The following KCNQ3 variants were observed in gnomAD, a reference collection of about 807,000 sequenced individuals.
KCNQ3 encodes the protein potassium voltage-gated channel subfamily KQT member 3.
A neutral mutation model predicts 92.5 loss-of-function variants in KCNQ3; 30 were observed. The observed-to-expected ratio is 0.32, with a 90% CI of 0.24 to 0.44. The LOEUF is 0.44. Ranked by LOEUF, KCNQ3 falls within the 20% of genes least tolerant of loss-of-function variation. The probability of loss-of-function intolerance (pLI) is 1.00; values close to 1 mark genes in which losing one functional copy is unlikely to be tolerated. For missense variants in KCNQ3, 913 were observed against 1,140.3 expected (o/e 0.80, Z 2.87); for synonymous variants, 450 against 468.8 (o/e 0.96, Z 0.52).
intron 9 of KCNQ3, among the ~76,000 whole-genome samples, chr8:132,153,242 G>T (rs916627256): frequency 6.6e-6 from 1 of 152,144 alleles, no homozygotes; most frequent in Non-Finnish European, 1.5e-5. Context: ...AATAAATAGA[G>T]TGCCCCTAAC....
intron 1 of KCNQ3, among the ~76,000 whole-genome samples, chr8:132,372,911 G>A (rs775849496): frequency 6.6e-6 from 1 of 152,096 alleles, no homozygotes; most frequent in Non-Finnish European, 1.5e-5. Flanking sequence ...CTCGGCTCCT[G>A]GGGGAAAGTT....
chr8:132,241,581 C>A (rs1814999611), intron 1 of KCNQ3, among the ~76,000 whole-genome samples: 1 of 152,030 alleles, frequency 6.6e-6, no homozygotes, highest in Non-Finnish European at 1.5e-5. Flanking sequence ...CACCTGTTAT[C>A]CCAGAACTTT....
chr8:132,189,908 A>AG (rs397976721), intron 1 of KCNQ3, among the ~76,000 whole-genome samples: 2 of 116,432 alleles, frequency 1.7e-5, no homozygotes, highest in East Asian at 4.1e-4. Flanking sequence ...AAAAAAAAAA[A>AG]GAGAGAGAGA....
At chr8:132,319,602 A>G (rs1270661704) in intron 1 of KCNQ3, among the ~76,000 whole-genome samples, 1 of 152,192 alleles carries the variant, frequency 6.6e-6, no homozygotes, top group Non-Finnish European at 1.5e-5. Context: ...CCCTCGTCCG[A>G]TGGCCCCGGG....
At chr8:132,363,988 G>A (rs979611282) in intron 1 of KCNQ3, among the ~76,000 whole-genome samples, 5 of 151,884 alleles carry the variant, frequency 3.3e-5, no homozygotes, top group African/African-American at 9.7e-5. Context: ...TACCATTGAA[G>A]TTTGTGTTCT....
At chr8:132,218,364 C>T (rs188231175) in intron 1 of KCNQ3, among the ~76,000 whole-genome samples, 44 of 152,280 alleles carry the variant, frequency 2.9e-4, no homozygotes, top group Non-Finnish European at 4.6e-4. Context: ...TGGCATCTGG[C>T]ACATGTGGGC....
chr8:132,323,587 G>T (rs1238504805), intron 1 of KCNQ3, among the ~76,000 whole-genome samples: 4 of 152,110 alleles, frequency 2.6e-5, no homozygotes, highest in Non-Finnish European at 5.9e-5. Flanking sequence ...AATGGCCGTA[G>T]GTGCTAAAAC....
rs141817209 is a variant in KCNQ3 at position 132,160,972 on chromosome 8, G to C, written c.1262+2496C>G. On this transcript the variant is annotated intron_variant, in intron 9 of 14. Coordinates refer to ENST00000388996, the MANE Select transcript of KCNQ3 (RefSeq NM_004519.4). ...GAGAAGGGATGGGAGGGTGTCAGCT[G>C]CCTTCACTTTCATGAGAATCAAATA... Among the ~76,000 whole-genome samples the C allele has an allele frequency of 8.0e-3, 1,218 of 152,118 alleles. 7 individuals carry two copies. The highest frequency in any genetic ancestry group is 0.024 in the Middle Eastern group (7 of 294).
At chr8:132,279,897 G>A (rs1816461854) in intron 1 of KCNQ3, among the ~76,000 whole-genome samples, 1 of 152,058 alleles carries the variant, frequency 6.6e-6, no homozygotes, top group African/African-American at 2.4e-5. Context: ...ATAGTTCTGG[G>A]CTTCTCAAGG....
intron 9 of KCNQ3, among the ~76,000 whole-genome samples, chr8:132,151,972 C>A (rs1408936989): frequency 1.3e-5 from 2 of 152,176 alleles, no homozygotes; most frequent in African/African-American, 4.8e-5. Flanking sequence ...TATATGCTAT[C>A]ATAATTAAGG....
chr8:132,200,978 G>A (rs1827440490), intron 1 of KCNQ3, among the ~76,000 whole-genome samples: 1 of 152,144 alleles, frequency 6.6e-6, no homozygotes, highest in Admixed American at 6.5e-5. Context: ...TGTGGTGTGA[G>A]CATTTGGTGA....
chr8:132,372,925 T>G (rs1819514401), intron 1 of KCNQ3, among the ~76,000 whole-genome samples: 1 of 152,116 alleles, frequency 6.6e-6, no homozygotes, highest in African/African-American at 2.4e-5. Context: ...GAAAGTTCCC[T>G]GTGAACGTTA....
At chr8:132,405,688 G>T (rs1279852575) in intron 1 of KCNQ3, among the ~76,000 whole-genome samples, 1 of 152,148 alleles carries the variant, frequency 6.6e-6, no homozygotes, top group African/African-American at 2.4e-5. Flanking sequence ...AAACAACTCT[G>T]GGTCAAAGCA....
intron 1 of KCNQ3, among the ~76,000 whole-genome samples, chr8:132,224,944 A>G (rs1229621762): frequency 6.6e-6 from 1 of 152,166 alleles, no homozygotes; most frequent in Admixed American, 6.5e-5. Context: ...TATACTAGGC[A>G]CCAGTAGAAT....
intron 1 of KCNQ3, among the ~76,000 whole-genome samples, chr8:132,223,052 T>C (rs1166620792): frequency 6.6e-6 from 1 of 152,208 alleles, no homozygotes; most frequent in Non-Finnish European, 1.5e-5. Flanking sequence ...TGGAAGTGCT[T>C]TTTTATTCAT....
intron 1 of KCNQ3, among the ~76,000 whole-genome samples, chr8:132,264,436 G>A (rs1476202489): frequency 6.6e-6 from 1 of 152,202 alleles, no homozygotes; most frequent in Non-Finnish European, 1.5e-5. Flanking sequence ...AAAATACCTG[G>A]AGCTCACTAA....
intron 9 of KCNQ3, among the ~76,000 whole-genome samples, chr8:132,161,595 G>A (rs1390718711): frequency 3.3e-5 from 5 of 151,480 alleles, no homozygotes; most frequent in Non-Finnish European, 7.4e-5. Context: ...CTGTGCCACT[G>A]CACTCCAGCC....
chr8:132,339,075 G>A (rs1818445886), intron 1 of KCNQ3, among the ~76,000 whole-genome samples: 1 of 152,124 alleles, frequency 6.6e-6, no homozygotes, highest in Non-Finnish European at 1.5e-5. Flanking sequence ...CATGGGAATT[G>A]GAATTGAGGG....
At chr8:132,293,400 T>G (rs973838965) in intron 1 of KCNQ3, among the ~76,000 whole-genome samples, 2 of 152,102 alleles carry the variant, frequency 1.3e-5, no homozygotes, top group Non-Finnish European at 2.9e-5. Context: ...AGAATTGATT[T>G]GGGGGACACC....
Sources: gnomAD v4.1 joint callset for allele counts (sites outside exome capture counted in the v4.1 genomes callset) on GRCh38, gnomAD v4.1.1 for gene constraint, MANE v1.5 for transcripts, NCBI Gene and HGNC (gene_info 2026-07-23, HGNC 2026-07-21) for gene names.